The following NRXN3 variants were observed in gnomAD, a reference collection of about 807,000 sequenced individuals.
NRXN3 encodes the protein neurexin III.
Under a neutral mutation model 137.6 loss-of-function variants are expected in NRXN3, and 32 were observed. The ratio of observed to expected loss-of-function variants is 0.23; its 90% confidence interval spans 0.18 to 0.31. The LOEUF (loss-of-function observed/expected upper bound fraction) is 0.31, where lower values mean the gene tolerates loss of function less well. NRXN3 is among the 10% of genes least tolerant of loss of function. The pLI is 1.00. For missense variants in NRXN3, 1,574 were observed against 2,062.5 expected, an observed-to-expected ratio of 0.76 and a Z score of 4.59; for synonymous variants, 798 against 784.5, an observed-to-expected ratio of 1.02 and a Z score of -0.29.
rs1566941297 is a variant in NRXN3, at chr14:78,192,762, A to G, written c.-704+22088A>G. ...GCTCCAGAATGCTGGGGCAGACTTCAACGCAAAAACTGCACAAAGAGGGCA... is the reference window on the plus strand; with the variant it reads ...GCTCCAGAATGCTGGGGCAGACTTCGACGCAAAAACTGCACAAAGAGGGCA... On this transcript the variant is annotated intron_variant, in intron 1 of 20. Transcript: ENST00000335750. Among the ~76,000 whole-genome samples the G allele has an allele frequency of 2.6e-5, 4 of 152,300 alleles. No individual in the cohort carries two copies. The South Asian group carries it at 8.3e-4, about 32-fold the overall frequency.
At chr14:78,839,416 C>T (rs1182630032) in intron 10 of NRXN3, among the ~76,000 whole-genome samples, 1 of 152,164 alleles carries the variant, frequency 6.6e-6, no homozygotes, top group East Asian at 1.9e-4. Context: ...ATCTTAAAAG[C>T]AATGGAGCTC....
chr14:78,979,981 C>A (rs1013131638), intron 14 of NRXN3, among the ~76,000 whole-genome samples: 1 of 152,182 alleles, frequency 6.6e-6, no homozygotes, highest in Non-Finnish European at 1.5e-5. Context: ...TGGGTGGGGA[C>A]ACAGCCAACA....
intron 15 of NRXN3, among the ~76,000 whole-genome samples, chr14:79,258,700 G>A (rs1403922109): frequency 6.6e-6 from 1 of 152,144 alleles, no homozygotes; most frequent in East Asian, 1.9e-4. Context: ...CCAGCTCTTG[G>A]CTCATTGTTG....
chr14:78,656,771 C>T (rs936692973), intron 6 of NRXN3, among the ~76,000 whole-genome samples: 10 of 152,166 alleles, frequency 6.6e-5, no homozygotes, highest in East Asian at 3.9e-4. Flanking sequence ...CGGCCGAGTG[C>T]GGTGGCTTAC....
intron 10 of NRXN3, among the ~76,000 whole-genome samples, chr14:78,847,807 C>T (rs1035039498): frequency 6.6e-6 from 1 of 152,026 alleles, no homozygotes; most frequent in Non-Finnish European, 1.5e-5. Flanking sequence ...TTTGGAGAAC[C>T]AGGTGTCAGC....
At chr14:79,368,712 A>C (rs184485323) in intron 15 of NRXN3, among the ~76,000 whole-genome samples, 1 of 152,364 alleles carries the variant, frequency 6.6e-6, no homozygotes, top group Admixed American at 6.5e-5. Flanking sequence ...AAATAAAAGC[A>C]GCAGAAAATC....
chr14:78,406,837 G>A lies in NRXN3; in HGVS notation c.757+108977G>A, dbSNP rs1393020116. On this transcript the variant is annotated intron_variant, in intron 4 of 20. Coordinates refer to ENST00000335750, the MANE Select transcript of NRXN3 (RefSeq NM_001330195.2). Reference sequence around the variant, plus strand: ...TTAGTTTACTAAGGTAGAAATCAGTGAACTGGTAGGGTCAGATCATGTCAG... The same window carrying A: ...TTAGTTTACTAAGGTAGAAATCAGTAAACTGGTAGGGTCAGATCATGTCAG... Among the ~76,000 whole-genome samples the A allele has an allele frequency of 3.3e-5, 5 of 152,194 alleles. No individual in the cohort carries two copies. In the East Asian group the frequency reaches 9.6e-4, roughly 29 times the overall value.
chr14:79,846,648 T>G (rs1326959997), intron 20 of NRXN3, among the ~76,000 whole-genome samples: 3 of 152,234 alleles, frequency 2.0e-5, no homozygotes, highest in Non-Finnish European at 4.4e-5. Flanking sequence ...TAATGTGTAC[T>G]AAATTCTATC....
chr14:78,464,013 A>T (rs1458319492), intron 4 of NRXN3, among the ~76,000 whole-genome samples: 1 of 151,088 alleles, frequency 6.6e-6, no homozygotes, highest in Non-Finnish European at 1.5e-5. Flanking sequence ...ATATTTTTTA[A>T]ACTTGAAAAG....
At chr14:78,321,244 T>C (rs17107338) in intron 4 of NRXN3, among the ~76,000 whole-genome samples, 3 of 152,044 alleles carry the variant, frequency 2.0e-5, no homozygotes, top group African/African-American at 7.3e-5. Context: ...GTCTCGTGCA[T>C]GCTGCTACTT....
intron 3 of NRXN3, among the ~76,000 whole-genome samples, chr14:78,282,895 C>T (rs538482066): frequency 9.8e-5 from 15 of 152,290 alleles, no homozygotes; most frequent in African/African-American, 3.1e-4. Context: ...GCTCACAGGG[C>T]GACCTGCAGA....
intron 4 of NRXN3, among the ~76,000 whole-genome samples, chr14:78,435,741 A>G (rs2094042248): frequency 6.6e-6 from 1 of 152,186 alleles, no homozygotes; most frequent in Non-Finnish European, 1.5e-5. Flanking sequence ...CATTACAGCC[A>G]GTGAGACTTT....
chr14:79,472,810 A>T lies in NRXN3; in HGVS notation c.3444+5408A>T, dbSNP rs1184556792. Reference sequence around the variant, plus strand: ...CAACAGGGAAAAAAAACTGAATAGGACTAGAGAAGAGATTGGCATGAAGTG... The same window carrying T: ...CAACAGGGAAAAAAAACTGAATAGGTCTAGAGAAGAGATTGGCATGAAGTG... On this transcript the variant is annotated intron_variant, in intron 16 of 20. Coordinates refer to ENST00000335750, the MANE Select transcript of NRXN3 (RefSeq NM_001330195.2). Among the ~76,000 whole-genome samples the T allele has an allele frequency of 2.0e-5, 3 of 152,144 alleles. No homozygotes were observed. In the East Asian group the frequency reaches 5.8e-4, roughly 29 times the overall value.
In NRXN3 at chr14:79,284,179, C is replaced by G. The variant is rs549569984; in HGVS notation, c.3263-183042C>G. Among the ~76,000 whole-genome samples, 52 of 149,850 alleles carry G rather than the reference C, an allele frequency of 3.5e-4. 1 individual carries two copies. The highest frequency in any genetic ancestry group is 5.5e-4 in the Non-Finnish European group (37 of 67,538). ...TTTTTCCTTCTTTTTTTCCCTCTCTCTCTTAAAGGTCATTGGACCTTTAAG... is the reference window on the plus strand; with the variant it reads ...TTTTTCCTTCTTTTTTTCCCTCTCTGTCTTAAAGGTCATTGGACCTTTAAG... On this transcript the variant is annotated intron_variant, in intron 15 of 20. Coordinates refer to ENST00000335750, the MANE Select transcript of NRXN3 (RefSeq NM_001330195.2).
At chr14:79,585,735 C>T (rs2097761193) in intron 16 of NRXN3, among the ~76,000 whole-genome samples, 1 of 141,448 alleles carries the variant, frequency 7.1e-6, no homozygotes, top group Admixed American at 6.9e-5. Context: ...AAATATAACT[C>T]TAACTCTAGA....
intron 16 of NRXN3, among the ~76,000 whole-genome samples, chr14:79,623,048 G>A (rs1408047663): frequency 6.6e-6 from 1 of 152,126 alleles, no homozygotes; most frequent in Non-Finnish European, 1.5e-5. Flanking sequence ...AGAAATCTAG[G>A]TGGTACTTAG....
chr14:78,443,485 A>C (rs1175671018), intron 4 of NRXN3, among the ~76,000 whole-genome samples: 2 of 152,170 alleles, frequency 1.3e-5, no homozygotes, highest in Non-Finnish European at 2.9e-5. Context: ...GGTCCAGGGG[A>C]GAATCAATAT....
intron 16 of NRXN3, among the ~76,000 whole-genome samples, chr14:79,630,660 G>A (rs953166414): frequency 2.0e-5 from 3 of 152,184 alleles, no homozygotes; most frequent in Non-Finnish European, 4.4e-5. Flanking sequence ...ACTGTATGAG[G>A]ATTCCTGTTT....
At chr14:79,169,550 G>A (rs191396932) in intron 15 of NRXN3, among the ~76,000 whole-genome samples, 22 of 151,634 alleles carry the variant, frequency 1.5e-4, no homozygotes, top group Middle Eastern at 3.4e-3. Context: ...TGTCACTTTC[G>A]TCTCACCTAG....
Sources: allele counts gnomAD v4.1 joint callset (sites outside exome capture counted in the v4.1 genomes callset), GRCh38; gene constraint gnomAD v4.1.1; transcripts MANE v1.5; gene names NCBI Gene and HGNC (gene_info 2026-07-23, HGNC 2026-07-21).